The following GRAMD4 variants were observed in gnomAD, a reference collection of about 807,000 sequenced individuals.
The protein encoded by GRAMD4 is GRAM domain-containing protein 4.
A neutral mutation model predicts 83.9 loss-of-function variants in GRAMD4; 25 were observed. The observed-to-expected ratio is 0.30, with a 90% CI of 0.22 to 0.42. GRAMD4 has a LOEUF of 0.42. Among genes scored for constraint, GRAMD4 ranks in the 10% least tolerant of loss-of-function variants. The pLI is 1.00. For missense variants in GRAMD4, 593 were observed against 788.7 expected (o/e 0.75, Z 2.97); for synonymous variants, 336 against 320.9 (o/e 1.05, Z -0.50).
intron 1 of GRAMD4, among the ~76,000 whole-genome samples, chr22:46,577,916 G>A (rs2081060485): frequency 6.6e-6 from 1 of 152,214 alleles, no homozygotes; most frequent in African/African-American, 2.4e-5. Context: ...GGCAACCCCG[G>A]CCCGAGGCCC....
intron 13 of GRAMD4, among the ~76,000 whole-genome samples, chr22:46,670,324 C>G (rs2082482856): frequency 6.6e-6 from 1 of 152,260 alleles, no homozygotes; most frequent in Non-Finnish European, 1.5e-5. Flanking sequence ...CAGCAGCTCA[C>G]TGTGGCCATC....
intron 3 of GRAMD4, among the ~76,000 whole-genome samples, chr22:46,650,498 G>T (rs62233625): frequency 1.3e-5 from 2 of 152,110 alleles, no homozygotes; most frequent in Non-Finnish European, 2.9e-5. Flanking sequence ...GGCCTGAGCC[G>T]ATGCATCTCC....
rs1467489432 is a variant in GRAMD4, at chr22:46,606,020, A to G, written c.-49-20731A>G. ...TGAGCATCTCTGCATGGGTTTATTG[A>G]CCAGTGCTGAGCATGTCTGCATGGG... On this transcript the variant is annotated intron_variant, in intron 1 of 1. Transcript: ENST00000431155. 4.6e-3 allele frequency among the ~76,000 whole-genome samples: 6 copies of G among 1,312 alleles called. 2 individuals carry two copies. The highest frequency in any genetic ancestry group is 0.14 in the East Asian group (2 of 14). 0.9% of individuals were successfully genotyped at this position (1,312 alleles called of 152,430 possible). A position where few individuals can be genotyped will look rare whatever the true frequency, so the allele number is the denominator to read the frequency against.
intron 1 of GRAMD4, among the ~76,000 whole-genome samples, chr22:46,615,201 CCG>C (rs2081464571): frequency 7.3e-5 from 1 of 13,720 alleles, no homozygotes; most frequent in Non-Finnish European, 1.3e-4. Flanking sequence ...GTCGGTTTCC[CCG>C]TGTGTAGGTT....
chr22:46,592,461 A>AG (rs1221583628), intron 1 of GRAMD4, among the ~76,000 whole-genome samples: 1 of 150,644 alleles, frequency 6.6e-6, no homozygotes, highest in Non-Finnish European at 1.5e-5. Context: ...AAAAAAAAAA[A>AG]GGATGAAGTG....
At chr22:46,577,794 TG>T (rs1362641850) in intron 1 of GRAMD4, among the ~76,000 whole-genome samples, 5 of 152,212 alleles carry the variant, frequency 3.3e-5, no homozygotes, top group Admixed American at 6.5e-5. Context: ...CTTTCTGCCC[TG>T]TCTTCTCTCC....
intron 1 of GRAMD4, among the ~76,000 whole-genome samples, chr22:46,589,996 G>A (rs1337458087): frequency 6.6e-6 from 1 of 152,242 alleles, no homozygotes; most frequent in Non-Finnish European, 1.5e-5. Context: ...TGGGGAGGCC[G>A]TGTCGCCTCC....
rs2081196730 is a variant in GRAMD4 at position 46,590,550 on chromosome 22, T to C, written c.-50+13260T>C. Among the ~76,000 whole-genome samples, 3 of 152,158 alleles carry C rather than the reference T, an allele frequency of 2.0e-5. No homozygotes were observed. The South Asian group carries it at 6.2e-4, about 32-fold the overall frequency. ...CACCCAGTCAGCTGGTGTCTGCCTG[T>C]TGCTCGTGACTGGCCTGGTTTGGTG... On this transcript the variant is annotated intron_variant, in intron 1 of 1. Transcript: ENST00000431155.
chr22:46,596,379 C>T (rs2081262182), intron 1 of GRAMD4, among the ~76,000 whole-genome samples: 1 of 152,258 alleles, frequency 6.6e-6, no homozygotes, highest in South Asian at 2.1e-4. Context: ...ACTCCAGGGC[C>T]ATCTGGCCAC....
intron 3 of GRAMD4, among the ~76,000 whole-genome samples, chr22:46,644,356 C>G (rs2082035234): frequency 6.6e-6 from 1 of 152,024 alleles, no homozygotes; most frequent in African/African-American, 2.4e-5. Flanking sequence ...CGTGTTATAC[C>G]TATCCCTGTT....
intron 1 of GRAMD4, among the ~76,000 whole-genome samples, chr22:46,579,196 C>G (rs2081074073): frequency 6.6e-6 from 1 of 152,128 alleles, no homozygotes; most frequent in African/African-American, 2.4e-5. Flanking sequence ...GGTGGAGGAC[C>G]CTTCACTGGG....
chr22:46,667,691 G>A (rs149977687), intron 10 of GRAMD4, among the ~76,000 whole-genome samples: 181 of 152,362 alleles, frequency 1.2e-3, no homozygotes, highest in Middle Eastern at 3.4e-3. Context: ...GAGGCAGGCT[G>A]TTGCCCGCCC....
rs947406688 is a variant in GRAMD4, at chr22:46,668,747, C to T, written c.974+15C>T. ...AAGATCAAGAAGTAAGTCCCGCCCC[C>T]CACCCCGGCCCTGCGGCGCCCGCCC... On this transcript the variant is annotated intron_variant, in intron 12 of 18. Coordinates refer to ENST00000406902, the MANE Select transcript of GRAMD4 (RefSeq NM_015124.5). The T allele has an allele frequency of 2.3e-6, 2 of 863,314 alleles. No homozygotes were observed. The highest frequency in any genetic ancestry group is 3.7e-6 in the Non-Finnish European group (2 of 537,258). 53.5% of individuals were successfully genotyped at this position (863,314 alleles called of 1,614,324 possible). A position where few individuals can be genotyped will look rare whatever the true frequency, so the allele number is the denominator to read the frequency against.
At chr22:46,635,157 CT>C (rs753860775) in intron 2 of GRAMD4, among the ~76,000 whole-genome samples, 12,376 of 140,552 alleles carry the variant, frequency 0.088, 168 homozygotes, top group East Asian at 0.12. Flanking sequence ...GCCTCCACCC[CT>C]GGCCACTCCT....
chr22:46,580,331 G>A (rs1260001040), intron 1 of GRAMD4, among the ~76,000 whole-genome samples: 2 of 152,224 alleles, frequency 1.3e-5, no homozygotes, highest in African/African-American at 4.8e-5. Context: ...GCATCCCACA[G>A]GCTGGCTTGG....
At chr22:46,654,957 T>C (rs1254673804) in intron 3 of GRAMD4, among the ~76,000 whole-genome samples, 1 of 152,180 alleles carries the variant, frequency 6.6e-6, no homozygotes, top group Non-Finnish European at 1.5e-5. Flanking sequence ...GTGGGAATCA[T>C]GTCCCCAAGA....
intron 2 of GRAMD4, among the ~76,000 whole-genome samples, chr22:46,634,358 C>CATAG (rs2068147199): frequency 6.6e-6 from 1 of 152,178 alleles, no homozygotes; most frequent in Admixed American, 6.5e-5. Context: ...CTGGAAGCTA[C>CATAG]ATAGATAAGA....
At position 46,663,253 on chromosome 22, in the gene GRAMD4, T is replaced by A. The variant is rs1223552745; in HGVS notation, c.599+81T>A. On this transcript the variant is annotated intron_variant, in intron 6 of 18. Transcript: ENST00000406902. ...TGAGGCTGCAGCGGGTGGGCCATCC[T>A]TTATCACCGTGGGCCAAAGCTGTCT... 2.3e-6 allele frequency: 3 copies of A among 1,330,628 alleles called. No homozygotes were observed. In the African/African-American group the frequency reaches 4.3e-5, roughly 19 times the overall value. 82.4% of individuals were successfully genotyped at this position (1,330,628 alleles called of 1,614,324 possible).
chr22:46,651,625 G>A (rs2082167301), intron 3 of GRAMD4, among the ~76,000 whole-genome samples: 2 of 152,368 alleles, frequency 1.3e-5, no homozygotes, highest in South Asian at 4.1e-4. Flanking sequence ...CAAGACAGGT[G>A]CAGGGGGTCT....
Sources: allele counts gnomAD v4.1 joint callset (sites outside exome capture counted in the v4.1 genomes callset), GRCh38; gene constraint gnomAD v4.1.1; transcripts MANE v1.5; gene names NCBI Gene and HGNC (gene_info 2026-07-23, HGNC 2026-07-21).